RFTN2: variants seen among roughly 807,000 people sequenced by gnomAD.
The protein encoded by RFTN2 is raftlin-2.
Under a neutral mutation model 52.7 loss-of-function variants are expected in RFTN2, and 34 were observed. The ratio of observed to expected loss-of-function variants is 0.64; its 90% CI spans 0.49 to 0.86. The LOEUF (loss-of-function observed/expected upper bound fraction) is 0.86. Ranked by LOEUF, RFTN2 falls within the 40% of genes least tolerant of loss-of-function variation. RFTN2 has a pLI of 0.00. For synonymous variants in RFTN2, 203 were observed against 217.7 expected (o/e 0.93, Z 0.59); for missense variants, 536 against 600.1 (o/e 0.89, Z 1.12).
At chr2:197,635,151 G>A (rs1197380624) in intron 3 of RFTN2, among the ~76,000 whole-genome samples, 1 of 152,018 alleles carries the variant, frequency 6.6e-6, no homozygotes, top group Non-Finnish European at 1.5e-5. Context: ...GGACATTTGG[G>A]TTGGTTCCAA....
chr2:197,674,015 A>G (rs1344266573), intron 1 of RFTN2, among the ~76,000 whole-genome samples: 1 of 152,194 alleles, frequency 6.6e-6, no homozygotes. Flanking sequence ...CACATTACAA[A>G]TATTTTCTCA....
chr2:197,627,604 G>A (rs538601976), intron 5 of RFTN2, among the ~76,000 whole-genome samples: 3 of 152,288 alleles, frequency 2.0e-5, no homozygotes, highest in South Asian at 2.1e-4. Context: ...AATAACAAGT[G>A]AAGTCTGAAA....
intron 8 of RFTN2, among the ~76,000 whole-genome samples, chr2:197,587,647 G>A (rs868712488): frequency 5.9e-5 from 9 of 151,936 alleles, no homozygotes; most frequent in Non-Finnish European, 7.4e-5. Context: ...GACTCAGCCC[G>A]CCTGCACCCA....
intron 2 of RFTN2, among the ~76,000 whole-genome samples, chr2:197,646,098 A>G (rs1212534787): frequency 1.3e-5 from 2 of 152,222 alleles, no homozygotes; most frequent in Non-Finnish European, 2.9e-5. Flanking sequence ...TAGGACAGTC[A>G]GAAAGCTCAG....
intron 3 of RFTN2, among the ~76,000 whole-genome samples, chr2:197,637,048 A>T (rs1490937700): frequency 6.6e-6 from 1 of 151,004 alleles, no homozygotes; most frequent in Non-Finnish European, 1.5e-5. Flanking sequence ...ACATTTATTG[A>T]TTTGTGTATA....
At chr2:197,659,279 T>C (rs2088939865) in intron 1 of RFTN2, among the ~76,000 whole-genome samples, 2 of 151,942 alleles carry the variant, frequency 1.3e-5, no homozygotes, top group Admixed American at 1.3e-4. Context: ...GGCAGGTGGA[T>C]CAGGTGGTCA....
chr2:197,631,337 A>C, intron 4 of RFTN2, 117 bp from the exon 5 acceptor site: 1 of 761,996 alleles, frequency 1.3e-6, no homozygotes, highest in Non-Finnish European at 2.3e-6. Flanking sequence ...CAGCTTAATC[A>C]AATGTCAATA....
intron 8 of RFTN2, among the ~76,000 whole-genome samples, chr2:197,594,267 G>A (rs1181864988): frequency 6.6e-6 from 1 of 151,818 alleles, no homozygotes; most frequent in South Asian, 2.1e-4. Flanking sequence ...GCCCACTTCC[G>A]CCTCCCAGAG....
At chr2:197,628,950 G>A (rs2088414498) in intron 5 of RFTN2, among the ~76,000 whole-genome samples, 2 of 152,196 alleles carry the variant, frequency 1.3e-5, no homozygotes, top group Admixed American at 1.3e-4. Context: ...TAAAGCCCAT[G>A]TCCTTCCTAT....
At chr2:197,592,010 G>A (rs2087723959) in intron 8 of RFTN2, among the ~76,000 whole-genome samples, 2 of 152,188 alleles carry the variant, frequency 1.3e-5, no homozygotes, top group African/African-American at 4.8e-5. Context: ...CTCCCATGGT[G>A]CAGCGGCGGG....
At chr2:197,590,382 T>C (rs182957937) in intron 8 of RFTN2, among the ~76,000 whole-genome samples, 33 of 152,290 alleles carry the variant, frequency 2.2e-4, no homozygotes, top group Middle Eastern at 3.4e-3. Context: ...GTCACAAGTA[T>C]CTAGAATACT....
intron 1 of RFTN2, among the ~76,000 whole-genome samples, chr2:197,658,205 A>T (rs1196849346): frequency 6.7e-6 from 1 of 150,302 alleles, no homozygotes; most frequent in Non-Finnish European, 1.5e-5. Context: ...GAAAAAAAAA[A>T]TGAGTATCCT....
chr2:197,624,639 C>T (rs562371702), intron 5 of RFTN2, among the ~76,000 whole-genome samples: 128 of 145,328 alleles, frequency 8.8e-4, no homozygotes, highest in African/African-American at 3.1e-3. Context: ...CCAATTGATG[C>T]AGCAAATTTC....
intron 3 of RFTN2, among the ~76,000 whole-genome samples, chr2:197,636,347 G>A (rs1282191914): frequency 7.6e-6 from 1 of 132,260 alleles, no homozygotes; most frequent in African/African-American, 3.0e-5. Flanking sequence ...CCATTTTCAC[G>A]ATATTGATTC....
In RFTN2 at chr2:197,648,512, A is replaced by G. The variant is rs2088783738; in HGVS notation, c.140-1846T>C. ...GGTTTTGCTCTTTAGTATTTTGACT[A>G]CCAACTCTGATTTCTAAACAAAGGA... On this transcript the variant is annotated intron_variant, in intron 1 of 8. Coordinates refer to ENST00000295049, the MANE Select transcript of RFTN2 (RefSeq NM_144629.3). Among the ~76,000 whole-genome samples, 3 of 152,332 alleles carry G rather than the reference A, an allele frequency of 2.0e-5. 1 individual carries two copies. In the South Asian group the frequency reaches 6.2e-4, roughly 32 times the overall value.
chr2:197,586,965 G>C (rs1010413878), intron 8 of RFTN2, among the ~76,000 whole-genome samples: 1 of 152,152 alleles, frequency 6.6e-6, no homozygotes, highest in Non-Finnish European at 1.5e-5. Flanking sequence ...AACCAAGCAA[G>C]TAATTATGCT....
chr2:197,633,619 T>C, intron 4 of RFTN2, 99 bp downstream of exon 4: 1 of 901,058 alleles, frequency 1.1e-6, no homozygotes, highest in Non-Finnish European at 1.7e-6. Context: ...CATTATAATC[T>C]TTAGCAATTT....
intron 7 of RFTN2, among the ~76,000 whole-genome samples, chr2:197,611,985 T>C (rs1288244651): frequency 6.6e-6 from 1 of 152,326 alleles, no homozygotes; most frequent in Admixed American, 6.5e-5. Context: ...GACAGTTTGT[T>C]GTGATTTCTG....
chr2:197,668,188 A>G lies in RFTN2; in HGVS notation c.139+7132T>C, dbSNP rs371372620. Among the ~76,000 whole-genome samples the G allele has an allele frequency of 1.2e-4, 19 of 152,140 alleles. No individual in the cohort carries two copies. The East Asian group carries it at 2.5e-3, about 20-fold the overall frequency. Reference sequence around the variant, plus strand: ...TCTCTGGAAGGAGTGTTCAGGTAGCAATGGTGGTGAACTTAGCTGAACCAT... The same window carrying G: ...TCTCTGGAAGGAGTGTTCAGGTAGCGATGGTGGTGAACTTAGCTGAACCAT... On this transcript the variant is annotated intron_variant, in intron 1 of 8. Transcript: ENST00000295049.
Sources: allele counts gnomAD v4.1 joint callset (sites outside exome capture counted in the v4.1 genomes callset), GRCh38; gene constraint gnomAD v4.1.1; transcripts MANE v1.5; gene names NCBI Gene and HGNC (gene_info 2026-07-23, HGNC 2026-07-21).